The following TMEM117 variants were observed in gnomAD, a reference collection of about 807,000 sequenced individuals.
TMEM117 encodes transmembrane protein 117.
In TMEM117, 27 loss-of-function variants were observed where a neutral mutation model predicts 52.4. The observed-to-expected ratio is 0.51, with a 90% CI of 0.38 to 0.71. The LOEUF (loss-of-function observed/expected upper bound fraction) is 0.71, where lower values mean the gene tolerates loss of function less well. Ranked by LOEUF, TMEM117 falls within the 30% of genes least tolerant of loss-of-function variation. The probability of loss-of-function intolerance (pLI) is 0.00; values close to 1 mark genes in which losing one functional copy is unlikely to be tolerated. For missense variants in TMEM117, 556 were observed against 630.5 expected (o/e 0.88, Z 1.26); for synonymous variants, 215 against 206.3 (o/e 1.04, Z -0.36).
At chr12:44,159,843 AT>A (rs1295207351) in intron 4 of TMEM117, among the ~76,000 whole-genome samples, 1 of 152,228 alleles carries the variant, frequency 6.6e-6, no homozygotes, top group Non-Finnish European at 1.5e-5. Flanking sequence ...ATACTAAAAA[AT>A]AATTTTAATA....
At chr12:44,238,675 C>T (rs1472125954) in intron 5 of TMEM117, among the ~76,000 whole-genome samples, 2 of 152,098 alleles carry the variant, frequency 1.3e-5, no homozygotes, top group Non-Finnish European at 2.9e-5. Context: ...AACAACAAAA[C>T]TCAACCCAGT....
chr12:44,297,778 C>A (rs574287047), intron 5 of TMEM117, among the ~76,000 whole-genome samples: 5 of 152,064 alleles, frequency 3.3e-5, no homozygotes, highest in South Asian at 2.1e-4. Context: ...AAAACAAAAT[C>A]AAAAACACAT....
the TMEM117 span, among the ~76,000 whole-genome samples, chr12:43,826,385 C>T: frequency 1.3e-5 from 2 of 152,208 alleles, no homozygotes; most frequent in Non-Finnish European, 2.9e-5. Flanking sequence ...TCAGTACCCC[C>T]TGAGGCTAGA....
At chr12:44,223,565 G>A (rs1949819137) in intron 5 of TMEM117, among the ~76,000 whole-genome samples, 1 of 152,058 alleles carries the variant, frequency 6.6e-6, no homozygotes, top group African/African-American at 2.4e-5. Context: ...TTGTACACAT[G>A]GTTTCAAAAC....
At chr12:44,095,547 G>A (rs947692067) in intron 3 of TMEM117, among the ~76,000 whole-genome samples, 1 of 152,042 alleles carries the variant, frequency 6.6e-6, no homozygotes, top group African/African-American at 2.4e-5. Context: ...GTGTGTATTA[G>A]TACAGAAGTG....
rs773352634 is a variant in TMEM117 at position 44,214,138 on chromosome 12, A to ATTTTTTTT, written c.608+2770_608+2777dup. ...CAATGTCTTACAAATTTTTTTTTTA[A>ATTTTTTTT]TTTTTTTTTTTTTTTTTTTTTTTTT... On this transcript the variant is annotated intron_variant, in intron 5 of 7. Coordinates refer to ENST00000266534, the MANE Select transcript of TMEM117 (RefSeq NM_032256.3). 3.0e-5 allele frequency among the ~76,000 whole-genome samples: 3 copies of ATTTTTTTT among 99,284 alleles called. No individual in the cohort carries two copies. In the South Asian group the frequency reaches 1.2e-3, roughly 40 times the overall value. 65.1% of individuals were successfully genotyped at this position (99,284 alleles called of 152,430 possible).
intron 7 of TMEM117, among the ~76,000 whole-genome samples, chr12:44,377,007 A>C (rs1364753128): frequency 6.6e-6 from 1 of 152,138 alleles, no homozygotes; most frequent in Non-Finnish European, 1.5e-5. Flanking sequence ...CTGTTCCGTA[A>C]TCTCTTGGGC....
rs114798239 is a variant in TMEM117 at position 43,841,590 on chromosome 12, C to T, written c.-28-3034C>T. On this transcript the variant is annotated intron_variant, in intron 1 of 7. Coordinates refer to ENST00000266534, the MANE Select transcript of TMEM117 (RefSeq NM_032256.3). ...GAGCATGTGGACATTACATAGCCCA[C>T]GAAGCAAGTTTCCGAACTTAAAAAC... 7.6e-3 allele frequency among the ~76,000 whole-genome samples: 1,159 copies of T among 152,142 alleles called. 24 individuals are homozygous for T. Among genetic ancestry groups the T allele is most frequent in the African/African-American group, 0.026 (1,080 of 41,468 alleles).
At chr12:44,374,380 A>G (rs1951909073) in intron 6 of TMEM117, among the ~76,000 whole-genome samples, 1 of 152,122 alleles carries the variant, frequency 6.6e-6, no homozygotes, top group Admixed American at 6.6e-5. Flanking sequence ...GTCATCATCT[A>G]TTTTATTTAT....
intron 3 of TMEM117, among the ~76,000 whole-genome samples, chr12:44,134,213 T>G (rs1250967998): frequency 1.3e-5 from 2 of 151,926 alleles, no homozygotes; most frequent in Non-Finnish European, 2.9e-5. Flanking sequence ...TCTTTTGGGG[T>G]TTTTGTTTTT....
chr12:44,220,673 T>G (rs547021379), intron 5 of TMEM117, among the ~76,000 whole-genome samples: 1 of 152,032 alleles, frequency 6.6e-6, no homozygotes, highest in East Asian at 1.9e-4. Context: ...TGATTCTAAA[T>G]CTGGGGTAGA....
chr12:44,226,225 T>G (rs1254957727), intron 5 of TMEM117, among the ~76,000 whole-genome samples: 1 of 152,162 alleles, frequency 6.6e-6, no homozygotes, highest in Non-Finnish European at 1.5e-5. Context: ...TTGCACCTGT[T>G]TCACAATCTG....
intron 2 of TMEM117, among the ~76,000 whole-genome samples, chr12:43,916,245 GT>G (rs887712970): frequency 2.0e-5 from 3 of 152,070 alleles, no homozygotes; most frequent in African/African-American, 7.2e-5. Flanking sequence ...GCCAGCCATG[GT>G]AACCTCTTTA....
intron 5 of TMEM117, among the ~76,000 whole-genome samples, chr12:44,223,048 TCTTTTAA>T (rs1242119044): frequency 6.6e-6 from 1 of 151,814 alleles, no homozygotes; most frequent in African/African-American, 2.4e-5. Context: ...CTAGTCTTCT[TCTTTTAA>T]CTTTTATTTT....
At chr12:44,139,181 A>G (rs991622988) in intron 3 of TMEM117, among the ~76,000 whole-genome samples, 3 of 152,084 alleles carry the variant, frequency 2.0e-5, no homozygotes, top group Admixed American at 1.3e-4. Context: ...GTATGGATCC[A>G]TATTGGTTTG....
chr12:43,855,827 T>C (rs1479657080), intron 2 of TMEM117, among the ~76,000 whole-genome samples: 1 of 152,234 alleles, frequency 6.6e-6, no homozygotes, highest in Non-Finnish European at 1.5e-5. Context: ...TTTTTTGGTA[T>C]GTTGAACTGC....
At chr12:44,386,865 C>T (rs888469459) in intron 7 of TMEM117, among the ~76,000 whole-genome samples, 1 of 151,978 alleles carries the variant, frequency 6.6e-6, no homozygotes. Context: ...CTAAACTCCT[C>T]GCAGTTATGT....
At chr12:44,389,941 G>A (rs1273181153), downstream of TMEM117, among the ~76,000 whole-genome samples, 1 of 151,888 alleles carries the variant, frequency 6.6e-6, no homozygotes, top group Non-Finnish European at 1.5e-5. Flanking sequence ...CACTTTTAAG[G>A]AAAAATTATT....
chr12:44,328,103 C>T (rs978515017), intron 6 of TMEM117, among the ~76,000 whole-genome samples: 4 of 152,126 alleles, frequency 2.6e-5, no homozygotes, highest in African/African-American at 9.7e-5. Context: ...ATCAAAAACC[C>T]TAGCTTTTTC....
Sources: gnomAD v4.1 joint callset for allele counts (sites outside exome capture counted in the v4.1 genomes callset) on GRCh38, gnomAD v4.1.1 for gene constraint, MANE v1.5 for transcripts, NCBI Gene and HGNC (gene_info 2026-07-23, HGNC 2026-07-21) for gene names.